Variants in C10orf67 observed in about 807,000 individuals in gnomAD.
The protein encoded by C10orf67 is uncharacterized protein C10orf67, mitochondrial.
In C10orf67, 60 loss-of-function variants were observed where a neutral mutation model predicts 35.6. The ratio of observed to expected loss-of-function variants is 1.68; its 90% confidence interval spans 1.37 to 2.09. The LOEUF (loss-of-function observed/expected upper bound fraction) is 2.09, where lower values mean the gene tolerates loss of function less well. C10orf67 is among the 30% of genes most tolerant of loss of function. The pLI is 0.00. For missense variants in C10orf67, 474 were observed against 330.2 expected, an observed-to-expected ratio of 1.44 and a Z score of -3.38; for synonymous variants, 167 against 115.8, an observed-to-expected ratio of 1.44 and a Z score of -2.84.
At chr10:23,240,535 T>C (rs1289237268) in intron 12 of C10orf67, among the ~76,000 whole-genome samples, 1 of 152,186 alleles carries the variant, frequency 6.6e-6, no homozygotes, top group Non-Finnish European at 1.5e-5. Context: ...TACAGTGTGT[T>C]GAAACATCAC....
chr10:23,286,756 G>A (rs559567607), intron 7 of C10orf67, among the ~76,000 whole-genome samples: 27 of 152,218 alleles, frequency 1.8e-4, no homozygotes, highest in African/African-American at 6.5e-4. Flanking sequence ...GACCTTAGAG[G>A]TTGATGCCAA....
At chr10:23,312,204 T>C (rs1186725015) in intron 4 of C10orf67, among the ~76,000 whole-genome samples, 1 of 152,232 alleles carries the variant, frequency 6.6e-6, no homozygotes, top group Non-Finnish European at 1.5e-5. Context: ...AGACAAACTT[T>C]TTCCTGAAAT....
At chr10:23,299,894 C>G (rs984465897) in intron 5 of C10orf67, among the ~76,000 whole-genome samples, 1 of 151,738 alleles carries the variant, frequency 6.6e-6, no homozygotes, top group Non-Finnish European at 1.5e-5. Context: ...AGGAGAATGG[C>G]GCGAACCCAG....
intron 4 of C10orf67, among the ~76,000 whole-genome samples, chr10:23,303,953 C>G (rs1175366904): frequency 6.6e-6 from 1 of 152,182 alleles, no homozygotes; most frequent in South Asian, 2.1e-4. Flanking sequence ...ATGGTCCCAG[C>G]TACAAACCCA....
At chr10:23,251,078 C>T (rs997882489) in intron 10 of C10orf67, among the ~76,000 whole-genome samples, 5 of 152,054 alleles carry the variant, frequency 3.3e-5, no homozygotes, top group Non-Finnish European at 5.9e-5. Flanking sequence ...GCCTGGATGA[C>T]AGAACGAGAC....
intron 2 of C10orf67, 59 bp downstream of exon 2, chr10:23,333,003 C>T (rs573706424): frequency 2.4e-5 from 37 of 1,535,262 alleles, no homozygotes; most frequent in Middle Eastern, 1.9e-4. Context: ...ATGAAAGAAA[C>T]ATGAAGGCAA....
chr10:23,266,561 G>C (rs534008669), intron 9 of C10orf67, 135 bp from the exon 10 acceptor site: 1 of 395,794 alleles, frequency 2.5e-6, no homozygotes, highest in Non-Finnish European at 4.4e-6. Context: ...GCATGGATTT[G>C]TTCTTGCTCC....
Position 23,266,383 on chromosome 10 carries a change from CA to C in C10orf67, c.1078del (p.Trp360GlyfsTer11). 1 of 398,600 alleles carries C rather than the reference CA, an allele frequency of 2.5e-6. No individual in the cohort carries two copies. 24.7% of individuals were successfully genotyped at this position (398,600 alleles called of 1,614,324 possible). ...TGTGGTGCTGGGTGGAGACTTGGGC[CA>C]TGGGGACAAAGAGGCTTCTCTCCCC... Reference protein sequence around the residue: ...AKGREASLSPWPKSPPSTTAL... With the variant: ...AKGREASLSPXPKSPPSTTAL... On this transcript the variant is annotated frameshift_variant, in exon 10 of 16. Coordinates refer to ENST00000636213, the MANE Select transcript of C10orf67 (RefSeq NM_001371909.1). LOFTEE classifies it high-confidence loss of function.
intron 8 of C10orf67, among the ~76,000 whole-genome samples, chr10:23,267,566 T>C (rs767108483): frequency 1.3e-5 from 2 of 152,232 alleles, no homozygotes; most frequent in African/African-American, 2.4e-5. Flanking sequence ...GATAATTTGA[T>C]ACATTAGTAT....
chr10:23,209,742 G>C (rs1200150159), intron 15 of C10orf67, among the ~76,000 whole-genome samples: 11 of 152,248 alleles, frequency 7.2e-5, no homozygotes, highest in Non-Finnish European at 1.3e-4. Context: ...GCTCATGCCT[G>C]TAATCCCAGC....
At chr10:23,267,277 C>T (rs1179204588) in intron 8 of C10orf67, 23 bp from the exon 9 acceptor site, 1 of 697,026 alleles carries the variant, frequency 1.4e-6, no homozygotes, top group Non-Finnish European at 2.6e-6. Flanking sequence ...AGACCCATAT[C>T]ATTGGTTATT....
Position 23,277,506 on chromosome 10 carries a change from T to A in C10orf67, c.975+4507A>T, listed in dbSNP as rs1002327985. 3.3e-5 allele frequency among the ~76,000 whole-genome samples: 5 copies of A among 151,818 alleles called. No individual in the cohort carries two copies. The East Asian group carries it at 9.7e-4, about 30-fold the overall frequency. ...AAGTCAAGGCTGCAGTGAGCCATGA[T>A]TGTGCCACTGCACTGCAGTCTGGGT... On this transcript the variant is annotated intron_variant, in intron 8 of 15. Transcript: ENST00000636213.
At chr10:23,233,178 C>T (rs1405898162) in intron 13 of C10orf67, among the ~76,000 whole-genome samples, 1 of 152,022 alleles carries the variant, frequency 6.6e-6, no homozygotes, top group African/African-American at 2.4e-5. Context: ...GAAAAGTGTA[C>T]ATAAGAAACA....
intron 15 of C10orf67, among the ~76,000 whole-genome samples, chr10:23,209,199 A>C (rs776848265): frequency 2.6e-5 from 4 of 152,158 alleles, no homozygotes; most frequent in Non-Finnish European, 5.9e-5. Context: ...AAAGCCATAG[A>C]GATCTGCTGA....
intron 15 of C10orf67, among the ~76,000 whole-genome samples, chr10:23,206,690 T>G (rs1269268791): frequency 6.6e-6 from 1 of 152,204 alleles, no homozygotes. Flanking sequence ...GTGCAGCATA[T>G]GGGTAAAAGT....
intron 8 of C10orf67, among the ~76,000 whole-genome samples, chr10:23,277,423 C>T (rs1160065806): frequency 6.6e-6 from 1 of 151,834 alleles, no homozygotes; most frequent in East Asian, 1.9e-4. Context: ...CATCTTGGTG[C>T]ATGGCTGTAA....
chr10:23,310,865 A>T (rs1371591917), intron 4 of C10orf67, among the ~76,000 whole-genome samples: 1 of 152,036 alleles, frequency 6.6e-6, no homozygotes, highest in Non-Finnish European at 1.5e-5. Flanking sequence ...CAAATTCAAG[A>T]TCTCTCTTAT....
At position 23,229,551 on chromosome 10, in the gene C10orf67, A is replaced by G. The variant is rs372842006; in HGVS notation, c.1435-5733T>C. Among the ~76,000 whole-genome samples the G allele has an allele frequency of 1.4e-3, 215 of 152,214 alleles. 1 individual carries two copies. Among genetic ancestry groups the G allele is most frequent in the South Asian group, 4.3e-3 (21 of 4,828 alleles). On this transcript the variant is annotated intron_variant, in intron 13 of 15. Coordinates refer to ENST00000636213, the MANE Select transcript of C10orf67 (RefSeq NM_001371909.1). ...TACATATGTTACAAACCTGCACATT[A>G]TGCACATGTTCCCTAGAACTTAAAG...
intron 10 of C10orf67, among the ~76,000 whole-genome samples, chr10:23,254,855 A>G (rs949942692): frequency 3.9e-5 from 6 of 152,142 alleles, no homozygotes; most frequent in African/African-American, 1.4e-4. Context: ...CATCTCTCTT[A>G]TGAAACTTTA....
Sources: gnomAD v4.1 joint callset for allele counts (sites outside exome capture counted in the v4.1 genomes callset) on GRCh38, gnomAD v4.1.1 for gene constraint, MANE v1.5 for transcripts, NCBI Gene and HGNC (gene_info 2026-07-23, HGNC 2026-07-21) for gene names.